Variants in NELL1 observed in about 807,000 individuals in gnomAD.
The protein encoded by NELL1 is protein kinase C-binding protein NELL1.
Under a neutral mutation model 107.4 loss-of-function variants are expected in NELL1, and 76 were observed. The ratio of observed to expected loss-of-function variants is 0.71; its 90% CI spans 0.59 to 0.86. The LOEUF (loss-of-function observed/expected upper bound fraction) is 0.86, where lower values mean the gene tolerates loss of function less well. Ranked by LOEUF, NELL1 falls within the 40% of genes least tolerant of loss-of-function variation. NELL1 has a pLI of 0.00. For synonymous variants in NELL1, 353 were observed against 341.2 expected, an observed-to-expected ratio of 1.03 and a Z score of -0.38; for missense variants, 1,024 against 1,005.5, an observed-to-expected ratio of 1.02 and a Z score of -0.25.
intron 15 of NELL1, among the ~76,000 whole-genome samples, chr11:21,432,300 A>C (rs1554910795): frequency 6.6e-6 from 1 of 152,202 alleles, no homozygotes; most frequent in Non-Finnish European, 1.5e-5. Context: ...TAGCTATGAA[A>C]ATAAAAAGCA....
chr11:21,387,552 A>G (rs1475972898), intron 15 of NELL1, among the ~76,000 whole-genome samples: 2 of 151,906 alleles, frequency 1.3e-5, no homozygotes, highest in Admixed American at 6.6e-5. Flanking sequence ...GGACAAGATT[A>G]TAGGATTAGG....
intron 15 of NELL1, among the ~76,000 whole-genome samples, chr11:21,392,274 T>G (rs1851896370): frequency 6.6e-6 from 1 of 151,742 alleles, no homozygotes; most frequent in Non-Finnish European, 1.5e-5. Context: ...TAGCTTCCAA[T>G]TAATTTTCCT....
intron 15 of NELL1, among the ~76,000 whole-genome samples, chr11:21,454,909 G>C (rs764778679): frequency 7.9e-5 from 12 of 152,324 alleles, no homozygotes; most frequent in Non-Finnish European, 1.6e-4. Flanking sequence ...GGGAGTTAAG[G>C]CTTCAACACA....
chr11:21,130,217 A>G (rs1426241621), intron 13 of NELL1, among the ~76,000 whole-genome samples: 3 of 152,184 alleles, frequency 2.0e-5, no homozygotes, highest in East Asian at 1.9e-4. Flanking sequence ...GCCCTTCTCT[A>G]TCCTGTGAGT....
intron 15 of NELL1, among the ~76,000 whole-genome samples, chr11:21,459,883 G>A (rs1237241274): frequency 6.6e-6 from 1 of 152,094 alleles, no homozygotes; most frequent in Non-Finnish European, 1.5e-5. Flanking sequence ...AAAGGGCACA[G>A]GGATAATGGC....
chr11:21,265,628 A>G (rs1848620030), intron 14 of NELL1, among the ~76,000 whole-genome samples: 1 of 152,042 alleles, frequency 6.6e-6, no homozygotes, highest in African/African-American at 2.4e-5. Flanking sequence ...GACAACATCC[A>G]ATAAGTCTCA....
chr11:21,362,801 T>C (rs1043761410), intron 14 of NELL1, among the ~76,000 whole-genome samples: 1 of 151,468 alleles, frequency 6.6e-6, no homozygotes, highest in African/African-American at 2.4e-5. Flanking sequence ...TATTATCAGG[T>C]GGGGGAGGCT....
At position 20,898,086 on chromosome 11, in the gene NELL1, T is replaced by C. The variant is rs113258841; in HGVS notation, c.603+12546T>C. Among the ~76,000 whole-genome samples the C allele has an allele frequency of 4.4e-3, 673 of 152,228 alleles. 9 individuals are homozygous for C. The highest frequency in any genetic ancestry group is 0.016 in the African/African-American group (646 of 41,546). On this transcript the variant is annotated intron_variant, in intron 5 of 19. Coordinates refer to ENST00000357134, the MANE Select transcript of NELL1 (RefSeq NM_006157.5). ...CATTACTGGGTATATACCCAAAGGA[T>C]TATAAATCATGCTATTATAAAGGCA...
intron 14 of NELL1, among the ~76,000 whole-genome samples, chr11:21,234,447 G>T (rs1858148561): frequency 6.6e-6 from 1 of 152,156 alleles, no homozygotes; most frequent in African/African-American, 2.4e-5. Flanking sequence ...CTCACTCCCT[G>T]ACCAGTGCAC....
Position 21,560,352 on chromosome 11 carries a change from A to G in NELL1, c.1950A>G (p.Lys650=). Residue 650 remains lysine, a synonymous_variant, in exon 17 of 20, where the codon AAA becomes AAG. Coordinates refer to ENST00000357134, the MANE Select transcript of NELL1 (RefSeq NM_006157.5). ...ACAATGGCCAGGTGTGGACCTTGAA[A>G]GAAGACAGGTGTTCTGTCTGCTCCT... ...LKHNGQVWTL[K]EDRCSVCSCK... is the part of the protein sequence containing the mutation. The G allele has an allele frequency of 6.2e-7, 1 of 1,601,936 alleles. No individual in the cohort carries two copies. The highest frequency in any genetic ancestry group is 1.1e-5 in the South Asian group (1 of 89,318).
intron 12 of NELL1, among the ~76,000 whole-genome samples, chr11:21,087,118 C>T (rs986925679): frequency 1.3e-5 from 2 of 152,078 alleles, no homozygotes; most frequent in East Asian, 1.9e-4. Context: ...GGATTACAGG[C>T]GTAAGGCGCC....
chr11:20,881,736 T>C (rs1378347069), intron 4 of NELL1, among the ~76,000 whole-genome samples: 1 of 152,100 alleles, frequency 6.6e-6, no homozygotes, highest in Non-Finnish European at 1.5e-5. Context: ...CCTTTCTGCT[T>C]CCAGGAAACA....
At chr11:21,073,377 G>C (rs1272614028) in intron 12 of NELL1, among the ~76,000 whole-genome samples, 2 of 152,084 alleles carry the variant, frequency 1.3e-5, no homozygotes, top group African/African-American at 4.8e-5. Flanking sequence ...CACCAATTTT[G>C]GGTCCATTGT....
chr11:21,451,537 A>C (rs1169968167), intron 15 of NELL1, among the ~76,000 whole-genome samples: 1 of 152,208 alleles, frequency 6.6e-6, no homozygotes. Flanking sequence ...GGCTGCATTC[A>C]AATAATTAAT....
chr11:21,262,185 T>C (rs1351333960), intron 14 of NELL1, among the ~76,000 whole-genome samples: 1 of 151,888 alleles, frequency 6.6e-6, no homozygotes, highest in Non-Finnish European at 1.5e-5. Flanking sequence ...AAATACCCTC[T>C]AAGACATTAA....
intron 2 of NELL1, among the ~76,000 whole-genome samples, chr11:20,762,833 CTGGTA>C (rs1422950048): frequency 6.6e-6 from 1 of 151,954 alleles, no homozygotes; most frequent in Non-Finnish European, 1.5e-5. Flanking sequence ...TTTGGTATGC[CTGGTA>C]TGGGGGGACT....
chr11:21,251,923 A>C (rs555539663), intron 14 of NELL1, among the ~76,000 whole-genome samples: 1 of 152,280 alleles, frequency 6.6e-6, no homozygotes, highest in East Asian at 1.9e-4. Context: ...AGACTACCGG[A>C]AAATCAAGGG....
chr11:20,770,273 T>A (rs1321558938), intron 2 of NELL1, among the ~76,000 whole-genome samples: 1 of 152,102 alleles, frequency 6.6e-6, no homozygotes, highest in Non-Finnish European at 1.5e-5. Context: ...GCATTTCCAG[T>A]GATTCATTTT....
At chr11:21,533,363 G>T (rs994885390) in intron 15 of NELL1, among the ~76,000 whole-genome samples, 2 of 152,106 alleles carry the variant, frequency 1.3e-5, no homozygotes, top group South Asian at 4.1e-4. Context: ...TTCATTATGG[G>T]TTAGATTCCA....
Sources: allele counts gnomAD v4.1 joint callset (sites outside exome capture counted in the v4.1 genomes callset), GRCh38; gene constraint gnomAD v4.1.1; transcripts MANE v1.5; gene names NCBI Gene and HGNC (gene_info 2026-07-23, HGNC 2026-07-21).